Variants in NALF1 observed in about 807,000 individuals in gnomAD.
The protein encoded by NALF1 is family with sequence similarity 155 member A.
NALF1 carries 3 observed loss-of-function variants against 48.4 expected under a neutral mutation model. The ratio of observed to expected loss-of-function variants is 0.06; its 90% confidence interval spans 0.03 to 0.16. The LOEUF (loss-of-function observed/expected upper bound fraction) is 0.16. Ranked by LOEUF, NALF1 falls within the 10% of genes least tolerant of loss-of-function variation. NALF1 has a pLI of 1.00. For synonymous variants in NALF1, 262 were observed against 245.7 expected (o/e 1.07, Z -0.62); for missense variants, 526 against 571.5 (o/e 0.92, Z 0.81).
chr13:107,415,843 T>C (rs573565367), intron 1 of NALF1, among the ~76,000 whole-genome samples: 56 of 152,286 alleles, frequency 3.7e-4, no homozygotes, highest in African/African-American at 1.3e-3. Flanking sequence ...ATTTTCTAAC[T>C]ACAATATTGA....
chr13:107,182,226 CTGTG>C (rs148923366), intron 2 of NALF1, among the ~76,000 whole-genome samples: 101 of 145,230 alleles, frequency 7.0e-4, no homozygotes, highest in East Asian at 1.8e-3. Context: ...TTTATTTATG[CTGTG>C]TGTGTGTGTG....
At chr13:107,666,836 G>A (rs1241606022) in intron 1 of NALF1, among the ~76,000 whole-genome samples, 1 of 151,940 alleles carries the variant, frequency 6.6e-6, no homozygotes. Context: ...CATAAATTTG[G>A]TATTAGTTCG....
intron 1 of NALF1, among the ~76,000 whole-genome samples, chr13:107,333,889 T>C (rs1882511905): frequency 6.6e-6 from 1 of 152,210 alleles, no homozygotes; most frequent in African/African-American, 2.4e-5. Flanking sequence ...AAACTGACTG[T>C]GATTTGCAAG....
At chr13:107,383,624 T>C (rs1883477599) in intron 1 of NALF1, among the ~76,000 whole-genome samples, 1 of 152,142 alleles carries the variant, frequency 6.6e-6, no homozygotes, top group South Asian at 2.1e-4. Flanking sequence ...TGGGAAGTAA[T>C]TGATGTTTAT....
Position 107,446,435 on chromosome 13 carries a change from A to ACACACACAC in NALF1, c.916-235681_916-235680insGTGTGTGTG, listed in dbSNP as rs66778475. The stretch of plus-strand genomic sequence containing the variant: ...CACACACACACACACACACACACAC[A>ACACACACAC]TATTTTTACTAAATTGGAATTACAC... On this transcript the variant is annotated intron_variant, in intron 1 of 2. Transcript: ENST00000375915. 2.5e-4 allele frequency among the ~76,000 whole-genome samples: 38 copies of ACACACACAC among 151,602 alleles called. No individual in the cohort carries two copies. The Middle Eastern group carries it at 0.01, about 41-fold the overall frequency.
intron 2 of NALF1, among the ~76,000 whole-genome samples, chr13:107,201,168 CATCTATCTATCT>C (rs10596555): frequency 2.5e-3 from 383 of 150,592 alleles, no homozygotes; most frequent in African/African-American, 9.0e-3. Flanking sequence ...ATCTATCTAT[CATCTATCTATCT>C]ATCTATCTAT....
At position 107,301,056 on chromosome 13, in the gene NALF1, G is replaced by A. The variant is rs548566138; in HGVS notation, c.916-90301C>T. Among the ~76,000 whole-genome samples, 13 of 152,156 alleles carry A rather than the reference G, an allele frequency of 8.5e-5. 1 individual carries two copies. The South Asian group carries it at 1.9e-3, about 22-fold the overall frequency. On this transcript the variant is annotated intron_variant, in intron 1 of 2. Transcript: ENST00000375915. ...CCAACCAATCTTGCAATATTTGCTTGTTTCTTTATATTCCTCTTTTTTATG... is the reference window on the plus strand; with the variant it reads ...CCAACCAATCTTGCAATATTTGCTTATTTCTTTATATTCCTCTTTTTTATG...
chr13:107,494,084 T>C (rs1418566836), intron 1 of NALF1, among the ~76,000 whole-genome samples: 4 of 138,520 alleles, frequency 2.9e-5, no homozygotes, highest in Admixed American at 2.1e-4. Flanking sequence ...GTTCTGAAAA[T>C]TGATATGATT....
At chr13:107,759,409 C>A (rs561224645) in intron 1 of NALF1, among the ~76,000 whole-genome samples, 1 of 152,118 alleles carries the variant, frequency 6.6e-6, no homozygotes, top group Non-Finnish European at 1.5e-5. Context: ...GGGGTTTCAC[C>A]ATGTTAGCCA....
chr13:107,643,512 C>T (rs934329049), intron 1 of NALF1, among the ~76,000 whole-genome samples: 1 of 138,856 alleles, frequency 7.2e-6, no homozygotes, highest in African/African-American at 2.7e-5. Flanking sequence ...AATGTAAATA[C>T]AGTATAATTT....
At chr13:107,651,920 G>A (rs1040141814) in intron 1 of NALF1, among the ~76,000 whole-genome samples, 10 of 152,100 alleles carry the variant, frequency 6.6e-5, no homozygotes, top group Non-Finnish European at 1.2e-4. Flanking sequence ...TGCTCTTTGC[G>A]AATATATCAA....
At chr13:107,703,600 AC>A (rs963798692) in intron 1 of NALF1, among the ~76,000 whole-genome samples, 1 of 152,000 alleles carries the variant, frequency 6.6e-6, no homozygotes, top group African/African-American at 2.4e-5. Flanking sequence ...TGATCCGCCC[AC>A]CTCGGCAACC....
chr13:107,291,144 T>C (rs746848352), intron 1 of NALF1, among the ~76,000 whole-genome samples: 22 of 151,692 alleles, frequency 1.5e-4, no homozygotes, highest in Non-Finnish European at 2.9e-4. Context: ...AGTTCAAATA[T>C]ACAATCAAAT....
intron 1 of NALF1, among the ~76,000 whole-genome samples, chr13:107,438,779 G>GAT (rs1884503561): frequency 8.4e-6 from 1 of 119,240 alleles, no homozygotes; most frequent in Non-Finnish European, 1.6e-5. Context: ...AGTGAGCTGA[G>GAT]ATCATACCAC....
chr13:107,512,951 A>T (rs1875943992), intron 1 of NALF1, among the ~76,000 whole-genome samples: 1 of 152,172 alleles, frequency 6.6e-6, no homozygotes, highest in South Asian at 2.1e-4. Flanking sequence ...ACTAAATATT[A>T]TACCACATCT....
intron 1 of NALF1, among the ~76,000 whole-genome samples, chr13:107,549,684 C>T (rs1027223543): frequency 3.3e-4 from 50 of 151,922 alleles, no homozygotes; most frequent in Admixed American, 2.6e-3. Flanking sequence ...GCCTGTTTAC[C>T]ACTACATACT....
chr13:107,587,944 G>A (rs916937098), intron 1 of NALF1, among the ~76,000 whole-genome samples: 7 of 152,046 alleles, frequency 4.6e-5, no homozygotes, highest in African/African-American at 1.4e-4. Context: ...ACAATAAAAT[G>A]TACTGAACAA....
intron 1 of NALF1, among the ~76,000 whole-genome samples, chr13:107,654,073 A>G (rs990691470): frequency 6.6e-6 from 1 of 152,056 alleles, no homozygotes; most frequent in African/African-American, 2.4e-5. Flanking sequence ...ACAAAAATAT[A>G]TAAAAGATAA....
intron 1 of NALF1, among the ~76,000 whole-genome samples, chr13:107,834,069 C>T (rs1879820203): frequency 6.6e-6 from 1 of 151,990 alleles, no homozygotes; most frequent in Admixed American, 6.6e-5. Context: ...AACAATATGA[C>T]AATAAGAATT....
Sources: allele counts gnomAD v4.1 joint callset (sites outside exome capture counted in the v4.1 genomes callset), GRCh38; gene constraint gnomAD v4.1.1; transcripts MANE v1.5; gene names NCBI Gene and HGNC (gene_info 2026-07-23, HGNC 2026-07-21).